The following PNPLA8 variants were observed in gnomAD, a reference collection of about 807,000 sequenced individuals.
PNPLA8 encodes patatin like domain 8, phospholipase A2, also known as calcium-independent phospholipase A2-gamma.
PNPLA8 carries 39 observed loss-of-function variants against 76.9 expected under a neutral mutation model. That is an observed-to-expected ratio of 0.51 (90% CI 0.39 to 0.66). PNPLA8 has a LOEUF of 0.66. PNPLA8 is among the 30% of genes least tolerant of loss of function. The pLI, the probability that PNPLA8 is intolerant of heterozygous loss-of-function variation, is 0.00. For missense variants in PNPLA8, 887 were observed against 918.0 expected (o/e 0.97, Z 0.44); for synonymous variants, 301 against 307.9 (o/e 0.98, Z 0.24).
intron 2 of PNPLA8, among the ~76,000 whole-genome samples, chr7:108,520,264 A>G (rs1209659056): frequency 6.6e-6 from 1 of 152,238 alleles, no homozygotes; most frequent in Non-Finnish European, 1.5e-5. Context: ...CAATAAGATA[A>G]GCCAAGTTAA....
At chr7:108,491,554 G>T in intron 7 of PNPLA8, 87 bp from the exon 8 acceptor site, 2 of 849,804 alleles carry the variant, frequency 2.4e-6, no homozygotes, top group African/African-American at 1.7e-5. Context: ...ATTACTATTT[G>T]TCCATGGCTT....
At chr7:108,506,140 G>A (rs928994399) in intron 4 of PNPLA8, among the ~76,000 whole-genome samples, 6 of 152,176 alleles carry the variant, frequency 3.9e-5, no homozygotes, top group African/African-American at 1.4e-4. Flanking sequence ...TACTTTGGGA[G>A]GCCGAAGTGG....
At chr7:108,510,780 T>C in intron 4 of PNPLA8, 3 of 1,601,674 alleles carry the variant, frequency 1.9e-6, no homozygotes, top group Non-Finnish European at 2.5e-6. Context: ...AAATATGGCA[T>C]CATCTGCATG....
In PNPLA8 at chr7:108,479,305, C is replaced by T. The variant is rs536952625; in HGVS notation, c.1953G>A (p.Pro651=). The stretch of plus-strand genomic sequence containing the variant: ...TGCCCAGGGATACTATGCACTCTAA[C>T]GGCACATCTGGCCAAAGACATTTAC... ...HECKCLWPDV[P]LECIVSLGTG... Residue 651 remains proline (P), a synonymous_variant, in exon 10 of 11, where the codon CCG becomes CCA. Coordinates refer to ENST00000257694, the MANE Select transcript of PNPLA8 (RefSeq NM_001256007.3). 3.2e-5 allele frequency: 52 copies of T among 1,612,812 alleles called. No individual in the cohort carries two copies. Among genetic ancestry groups the T allele is most frequent in the South Asian group, 3.1e-4 (28 of 91,056 alleles).
intron 9 of PNPLA8, among the ~76,000 whole-genome samples, chr7:108,486,352 C>A (rs902969743): frequency 2.6e-5 from 4 of 151,938 alleles, no homozygotes; most frequent in Non-Finnish European, 5.9e-5. Context: ...TGACATGGTA[C>A]ATAAGAATAG....
Position 108,483,017 on chromosome 7 carries a change from TCA to T in PNPLA8, c.1879-3640_1879-3639del, listed in dbSNP as rs1249834082. 3.3e-5 allele frequency among the ~76,000 whole-genome samples: 5 copies of T among 152,228 alleles called. No homozygotes were observed. The East Asian group carries it at 9.6e-4, about 29-fold the overall frequency. On this transcript the variant is annotated intron_variant, in intron 9 of 10. Transcript: ENST00000257694. ...TCTTCATCTTTTCACAAATTTATGC[TCA>T]GTTATTTTAGAGGGAGTGGTAGTAT...
chr7:108,516,281 G>C (rs1455183558), intron 2 of PNPLA8, among the ~76,000 whole-genome samples: 10 of 152,110 alleles, frequency 6.6e-5, no homozygotes, highest in Non-Finnish European at 4.4e-5. Context: ...TAGATCAATG[G>C]AACAGAATAG....
chr7:108,499,861 C>G (rs1181256408), intron 5 of PNPLA8, among the ~76,000 whole-genome samples: 1 of 152,164 alleles, frequency 6.6e-6, no homozygotes, highest in Admixed American at 6.5e-5. Flanking sequence ...ACTTCTTTTT[C>G]ATCATGCTTG....
At chr7:108,491,692 T>C (rs1196780880) in intron 7 of PNPLA8, among the ~76,000 whole-genome samples, 3 of 152,174 alleles carry the variant, frequency 2.0e-5, no homozygotes, top group Non-Finnish European at 4.4e-5. Context: ...TCTACAGTTC[T>C]GAGGTGGAGC....
intron 4 of PNPLA8, among the ~76,000 whole-genome samples, chr7:108,509,408 CA>C: frequency 6.7e-6 from 1 of 149,260 alleles, no homozygotes; most frequent in East Asian, 2.0e-4. Flanking sequence ...TTTATGCAGC[CA>C]AAAAATACAT....
At chr7:108,522,070 TG>T (rs1235728072) in intron 1 of PNPLA8, among the ~76,000 whole-genome samples, 2 of 150,780 alleles carry the variant, frequency 1.3e-5, no homozygotes, top group African/African-American at 4.9e-5. Context: ...CCGAGGTGGG[TG>T]GATGACGAAG....
intron 7 of PNPLA8, among the ~76,000 whole-genome samples, chr7:108,495,241 A>G (rs1861468566): frequency 6.6e-6 from 1 of 152,208 alleles, no homozygotes; most frequent in Admixed American, 6.5e-5. Flanking sequence ...ATAGCCAGAG[A>G]TTTAAGTAAA....
intron 4 of PNPLA8, among the ~76,000 whole-genome samples, chr7:108,505,274 G>A (rs1862260202): frequency 9.6e-6 from 1 of 104,030 alleles, no homozygotes; most frequent in East Asian, 3.1e-4. Flanking sequence ...GGCAAAGCAA[G>A]GTTTCAGAAG....
intron 2 of PNPLA8, among the ~76,000 whole-genome samples, chr7:108,517,155 G>C (rs541031681): frequency 6.6e-6 from 1 of 152,234 alleles, no homozygotes; most frequent in Admixed American, 6.5e-5. Context: ...CATATAAGAA[G>C]TTGTACCACA....
chr7:108,500,152 C>T (rs1366891531), intron 5 of PNPLA8, among the ~76,000 whole-genome samples: 7 of 152,170 alleles, frequency 4.6e-5, no homozygotes, highest in Admixed American at 4.6e-4. Context: ...ACATAGTAGG[C>T]CCCCAATATT....
At chr7:108,512,064 G>A (rs1360095569) in intron 4 of PNPLA8, among the ~76,000 whole-genome samples, 3 of 152,164 alleles carry the variant, frequency 2.0e-5, no homozygotes, top group African/African-American at 4.8e-5. Context: ...AATCAGAGAG[G>A]AAGACTCAAT....
At chr7:108,488,815 C>T (rs927841002) in intron 8 of PNPLA8, among the ~76,000 whole-genome samples, 1 of 152,146 alleles carries the variant, frequency 6.6e-6, no homozygotes, top group Non-Finnish European at 1.5e-5. Context: ...GTTAAATTTA[C>T]ATGAAATGTG....
At chr7:108,504,189 C>T (rs1381411440) in intron 4 of PNPLA8, among the ~76,000 whole-genome samples, 3 of 152,148 alleles carry the variant, frequency 2.0e-5, no homozygotes, top group South Asian at 4.1e-4. Flanking sequence ...CAAATAAACC[C>T]CAGAAAAAGA....
At chr7:108,525,081 TAAAA>T (rs200739940) in intron 1 of PNPLA8, among the ~76,000 whole-genome samples, 1 of 151,838 alleles carries the variant, frequency 6.6e-6, no homozygotes, top group East Asian at 1.9e-4. Context: ...GATATAGAAA[TAAAA>T]AAAGAGATCA....
Sources: gnomAD v4.1 joint callset for allele counts (sites outside exome capture counted in the v4.1 genomes callset) on GRCh38, gnomAD v4.1.1 for gene constraint, MANE v1.5 for transcripts, NCBI Gene and HGNC (gene_info 2026-07-23, HGNC 2026-07-21) for gene names.